USP37: variants seen among roughly 807,000 people sequenced by gnomAD.
The protein encoded by USP37 is ubiquitin carboxyl-terminal hydrolase 37.
In USP37, 27 loss-of-function variants were observed where a neutral mutation model predicts 124.0. That is an observed-to-expected ratio of 0.22 (90% CI 0.16 to 0.30). The LOEUF is 0.30. Among genes scored for constraint, USP37 ranks in the 10% least tolerant of loss-of-function variants. The pLI is 1.00. For synonymous variants in USP37, 365 were observed against 388.0 expected (o/e 0.94, Z 0.70); for missense variants, 889 against 1,140.4 (o/e 0.78, Z 3.17).
chr2:218,463,785 TCGG>T (rs1690160589), intron 21 of USP37, among the ~76,000 whole-genome samples: 1 of 151,276 alleles, frequency 6.6e-6, no homozygotes, highest in Non-Finnish European at 1.5e-5. Context: ...TCCGCCCACC[TCGG>T]CTTCCCAAAG....
At chr2:218,497,293 A>C (rs550226036) in intron 13 of USP37, among the ~76,000 whole-genome samples, 7 of 151,262 alleles carry the variant, frequency 4.6e-5, no homozygotes, top group Non-Finnish European at 1.0e-4. Context: ...GGCTGGTCTC[A>C]AACTCCTGAC....
chr2:218,475,645 G>A (rs985082716), intron 19 of USP37, among the ~76,000 whole-genome samples: 1 of 152,186 alleles, frequency 6.6e-6, no homozygotes, highest in East Asian at 1.9e-4. Flanking sequence ...ACAGAGAATC[G>A]CCTGAACCTG....
intron 15 of USP37, among the ~76,000 whole-genome samples, chr2:218,487,371 A>G (rs1691632902): frequency 6.6e-6 from 1 of 152,248 alleles, no homozygotes; most frequent in African/African-American, 2.4e-5. Context: ...TCATGTTACC[A>G]AATTTTAGAA....
At chr2:218,472,011 C>G (rs1347284853) in intron 20 of USP37, among the ~76,000 whole-genome samples, 1 of 144,852 alleles carries the variant, frequency 6.9e-6, no homozygotes, top group African/African-American at 2.6e-5. Flanking sequence ...GCCTGGGTGA[C>G]AGAGAGAGAC....
intron 8 of USP37, among the ~76,000 whole-genome samples, chr2:218,536,071 G>A (rs1485423674): frequency 6.8e-6 from 1 of 146,118 alleles, no homozygotes; most frequent in African/African-American, 2.5e-5. Flanking sequence ...TCAAAACTGT[G>A]TATTCCACAT....
chr2:218,566,734 C>G (rs754696016), intron 1 of USP37, among the ~76,000 whole-genome samples: 4 of 152,136 alleles, frequency 2.6e-5, no homozygotes, highest in Non-Finnish European at 5.9e-5. Flanking sequence ...CCAAGGCAAT[C>G]AAGTCCAGGT....
At chr2:218,546,170 C>T (rs370268113) in intron 8 of USP37, 51 bp downstream of exon 8, 68 of 1,422,924 alleles carry the variant, frequency 4.8e-5, no homozygotes, top group Non-Finnish European at 6.1e-5. Flanking sequence ...TTACAAATAC[C>T]AATATAAGAA....
chr2:218,480,934 G>A (rs960695415), intron 17 of USP37, among the ~76,000 whole-genome samples: 6 of 152,202 alleles, frequency 3.9e-5, no homozygotes, highest in Admixed American at 3.3e-4. Flanking sequence ...AGACACTAGT[G>A]TAAACTTCTA....
intron 2 of USP37, among the ~76,000 whole-genome samples, chr2:218,562,381 TTC>T (rs1413640613): frequency 6.6e-6 from 1 of 152,346 alleles, no homozygotes; most frequent in East Asian, 1.9e-4. Flanking sequence ...TGTCCAGAGA[TTC>T]TTTCTCTAAA....
intron 11 of USP37, among the ~76,000 whole-genome samples, chr2:218,508,412 T>C (rs1038511721): frequency 1.3e-5 from 2 of 151,758 alleles, no homozygotes; most frequent in South Asian, 2.1e-4. Flanking sequence ...TATACAGAAA[T>C]GAAAGAAACA....
At chr2:218,562,015 A>G (rs11904232) in intron 2 of USP37, among the ~76,000 whole-genome samples, 126 of 152,272 alleles carry the variant, frequency 8.3e-4, no homozygotes, top group African/African-American at 2.6e-3. Context: ...TCAAGACTCA[A>G]TTTACACATT....
chr2:218,454,918 G>C lies in USP37; in HGVS notation c.*12C>G. ...ATATGCAGTGCATGCTGCCAACCCA[G>C]GAGTTTGTTCCTCACAAGGCCTGAC... is the stretch of plus-strand genomic sequence containing the variant. On this transcript the variant is annotated 3_prime_UTR_variant, in exon 26 of 26. Coordinates refer to ENST00000258399, the MANE Select transcript of USP37 (RefSeq NM_020935.3). 6.2e-7 allele frequency: 1 copy of C among 1,613,566 alleles called. No individual in the cohort carries two copies. Among genetic ancestry groups the C allele is most frequent in the Non-Finnish European group, 8.5e-7 (1 of 1,179,910 alleles).
chr2:218,474,590 A>T, intron 20 of USP37, 40 bp downstream of exon 20: 1 of 1,600,918 alleles, frequency 6.2e-7, no homozygotes, highest in Middle Eastern at 1.7e-4. Flanking sequence ...TGAAAGAGTT[A>T]TGTTTTGTTT....
rs370820894 is a variant in USP37, at chr2:218,488,418, A to G, written c.1476T>C (p.Cys492=). Residue 492 remains cysteine (C), a synonymous_variant, in exon 15 of 26, where the codon TGT becomes TGC. Transcript: ENST00000258399. ...GTTCTCTTTTGGGGATAATCTCTCC[A>G]CATCTGTAAGAATAAAATGAGACAT... The part of the protein sequence containing the change: ...EVQHSIICKA[C]GEIIPKREQF... 16 of 1,582,642 alleles carry G rather than the reference A, an allele frequency of 1.0e-5. No homozygotes were observed. In the African/African-American group the frequency reaches 2.0e-4, roughly 20 times the overall value.
At chr2:218,558,785 C>A in intron 3 of USP37, 108 bp from the exon 4 acceptor site, 1 of 828,538 alleles carries the variant, frequency 1.2e-6, no homozygotes, top group Non-Finnish European at 1.9e-6. Flanking sequence ...TGCATTTCTT[C>A]TGCGCCTTCA....
intron 20 of USP37, among the ~76,000 whole-genome samples, chr2:218,468,171 T>C (rs1280420637): frequency 6.6e-6 from 1 of 151,486 alleles, no homozygotes; most frequent in Non-Finnish European, 1.5e-5. Flanking sequence ...TTAACAGGCG[T>C]GAGCCACCAT....
chr2:218,544,150 C>G (rs940492830), intron 8 of USP37, among the ~76,000 whole-genome samples: 2 of 151,734 alleles, frequency 1.3e-5, no homozygotes, highest in African/African-American at 4.9e-5. Flanking sequence ...GAGGTCGAGG[C>G]GGGCAGATCA....
rs1034390258 is a variant in USP37 at position 218,451,227 on chromosome 2, G to T, written c.*3703C>A. On this transcript the variant is annotated 3_prime_UTR_variant, in exon 26 of 26. Transcript: ENST00000258399. The stretch of plus-strand genomic sequence containing the variant: ...TATAAAGCAAAATGGGGAGGAAAAA[G>T]ACATCCATCCATTTTATTGGAACAC... 1 of 152,126 alleles carries T rather than the reference G, an allele frequency of 6.6e-6. No individual in the cohort carries two copies. The highest frequency in any genetic ancestry group is 1.5e-5 in the Non-Finnish European group (1 of 67,994). 9.4% of individuals were successfully genotyped at this position (152,126 alleles called of 1,614,324 possible).
In USP37 at chr2:218,497,845, G is replaced by T. The variant is rs1689160002; in HGVS notation, c.1170C>A (p.His390Gln). 6.2e-7 allele frequency: 1 copy of T among 1,613,696 alleles called. No individual in the cohort carries two copies. The highest frequency in any genetic ancestry group is 8.5e-7 in the Non-Finnish European group (1 of 1,180,002). The change falls in exon 13 of 26, where the codon CAC (histidine) becomes CAA (glutamine). Residue 390 changes from histidine (H) to glutamine (Q), a missense_variant. Physicochemically the swap from His to Gln is conservative, Grantham distance 24. This residue lies in a region of USP37 where 504 missense variants were observed against 714.3 expected (regional missense o/e 0.71). Transcript: ENST00000258399. ...TACAGATATCTTTTTTAACAAGCAA[G>T]TGTGCAAAGCGTCTAGTAAAACAAA... ...PLNALIRRFA[H>Q]LLVKKDICNS... is the part of the protein sequence containing the mutation.
Sources: gnomAD v4.1 joint callset for allele counts (sites outside exome capture counted in the v4.1 genomes callset) on GRCh38, gnomAD v4.1.1 for gene constraint, gnomAD v4.1.1 regional missense constraint, MANE v1.5 for transcripts, NCBI Gene and HGNC (gene_info 2026-07-23, HGNC 2026-07-21) for gene names.